The following RNF151 variants were observed in gnomAD, a reference collection of about 807,000 sequenced individuals.
The protein encoded by RNF151 is ring finger protein 151.
RNF151 carries 9 observed loss-of-function variants against 11.1 expected under a neutral mutation model. That is an observed-to-expected ratio of 0.81 (90% CI 0.49 to 1.42). The LOEUF (loss-of-function observed/expected upper bound fraction) is 1.42, where lower values mean the gene tolerates loss of function less well. Among genes scored for constraint, RNF151 ranks in the 40% most tolerant of loss-of-function variants. The probability of loss-of-function intolerance (pLI) is 0.00; values close to 1 mark genes in which losing one functional copy is unlikely to be tolerated. For synonymous variants in RNF151, 172 were observed against 140.7 expected, an observed-to-expected ratio of 1.22 and a Z score of -1.58; for missense variants, 372 against 342.9, an observed-to-expected ratio of 1.08 and a Z score of -0.67.
chr16:1,968,778 T>A lies in RNF151; in HGVS notation c.591T>A (p.Arg197=), dbSNP rs1464234747. 1 of 1,589,786 alleles carries A rather than the reference T, an allele frequency of 6.3e-7. No individual in the cohort carries two copies. The highest frequency in any genetic ancestry group is 8.6e-7 in the Non-Finnish European group (1 of 1,169,014). Reference sequence around the variant, plus strand: ...TGGACCAAGCCACCAGTGTCGTTCGTAGAGAGCTGGCGGAGCTCAGCAACT... The same window carrying A: ...TGGACCAAGCCACCAGTGTCGTTCGAAGAGAGCTGGCGGAGCTCAGCAACT... ...RWLDQATSVV[R]RELAELSNFL... The change falls in exon 4 of 4, where the codon CGT becomes CGA. Residue 197 remains arginine, a synonymous_variant. Transcript: ENST00000569714.
chr16:1,968,370 C>T, intron 3 of RNF151, 64 bp from the exon 4 acceptor site: 5 of 1,450,364 alleles, frequency 3.4e-6, no homozygotes, highest in Non-Finnish European at 4.5e-6. Flanking sequence ...GAATGGAAAG[C>T]CAGGGGTGGG....
In RNF151 at chr16:1,968,428, C is replaced by A; in HGVS notation, c.247-6C>A. ...GGTTTCTTCACACGTTCTCCTTCAC[C>A]CTCAGTGCAAGAACGCCGACGCTGG... On this transcript the variant is annotated splice_polypyrimidine_tract_variant and splice_region_variant and intron_variant, in intron 3 of 3. Coordinates refer to ENST00000569714, the MANE Select transcript of RNF151 (RefSeq NM_174903.6). 6.5e-7 allele frequency: 1 copy of A among 1,539,920 alleles called. No individual in the cohort carries two copies. The highest frequency in any genetic ancestry group is 8.8e-7 in the Non-Finnish European group (1 of 1,139,290).
chr16:1,967,230 C>G, intron 1 of RNF151, 44 bp from the exon 2 acceptor site: 1 of 1,592,098 alleles, frequency 6.3e-7, no homozygotes, highest in Non-Finnish European at 8.6e-7. Context: ...GGACCAGGGA[C>G]TGGATCACTG....
rs1597042972 is a variant in RNF151, at chr16:1,967,436, A to C, written c.149+17A>C. 6.2e-7 allele frequency: 1 copy of C among 1,610,154 alleles called. No individual in the cohort carries two copies. Among genetic ancestry groups the C allele is most frequent in the Non-Finnish European group, 8.5e-7 (1 of 1,177,808 alleles). On this transcript the variant is annotated intron_variant, in intron 2 of 3. Transcript: ENST00000569714. ...GCTAGCCAGGTGCCAGCGGGTACCC[A>C]AGGGGCTGGGAGGGCAGGAGTGAGA...
In RNF151 at chr16:1,967,338, G is replaced by C; in HGVS notation, c.68G>C (p.Cys23Ser). Residue 23 changes from cysteine (C) to serine (S), a missense_variant, in exon 2 of 4, where the codon TGC (cysteine) becomes TCC (serine). Cys to Ser is a moderately radical substitution (Grantham distance 112). Transcript: ENST00000569714. The part of the protein sequence containing the change: ...PPDSNFVCSV[C>S]HGVLKRPARL... ...GACAGCAACTTCGTGTGCTCCGTCT[G>C]CCATGGGGTTCTCAAGAGGCCAGCA... The C allele has an allele frequency of 6.2e-7, 1 of 1,613,702 alleles. No homozygotes were observed. Among genetic ancestry groups the C allele is most frequent in the Non-Finnish European group, 8.5e-7 (1 of 1,179,878 alleles).
intron 3 of RNF151, chr16:1,968,091 G>A (rs1252186675): frequency 7.3e-6 from 5 of 681,970 alleles, no homozygotes; most frequent in Admixed American, 4.1e-5. Context: ...GATTTTTAGA[G>A]GATCAAGTGC....
chr16:1,968,585 A>C lies in RNF151; in HGVS notation c.398A>C (p.His133Pro), dbSNP rs756193192. The C allele has an allele frequency of 6.3e-7, 1 of 1,596,430 alleles. No individual in the cohort carries two copies. ...GGGACCCTGGCAGAGCACCGGCAGC[A>C]TTGCCAGCAAGGGTCCCAGCAGCGC... is the stretch of plus-strand genomic sequence containing the variant. ...PRGTLAEHRQHCQQGSQQRCP... is the reference protein window; with the variant it reads ...PRGTLAEHRQPCQQGSQQRCP... The change falls in exon 4 of 4, where the codon CAT (histidine) becomes CCT (proline). Residue 133 changes from histidine to proline, a missense_variant. His to Pro is a moderately conservative substitution (Grantham distance 77). Transcript: ENST00000569714.
At chr16:1,968,202 C>G (rs1017769550) in intron 3 of RNF151, among the ~76,000 whole-genome samples, 2 of 152,178 alleles carry the variant, frequency 1.3e-5, no homozygotes, top group Non-Finnish European at 2.9e-5. Context: ...CCAGACCAAC[C>G]CAACTGTGTA....
Position 1,967,385 on chromosome 16 carries a change from T to A in RNF151, c.115T>A (p.Phe39Ile). The A allele has an allele frequency of 6.2e-7, 1 of 1,613,656 alleles. No homozygotes were observed. Among genetic ancestry groups the A allele is most frequent in the Non-Finnish European group, 8.5e-7 (1 of 1,179,824 alleles). The change falls in exon 2 of 4, where the codon TTC (phenylalanine) becomes ATC (isoleucine). Residue 39 changes from phenylalanine (F) to isoleucine (I), a missense_variant. Coordinates refer to ENST00000569714, the MANE Select transcript of RNF151 (RefSeq NM_174903.6). ...RPARLPCSHI[F>I]CKKCILRWLA... ...AGCAAGGTTGCCATGCAGCCACATC[T>A]TCTGCAAAAAGTGCATCCTCCGGTG...
Position 1,968,520 on chromosome 16 carries a change from G to C in RNF151, c.333G>C (p.Thr111=). Residue 111 remains threonine (T), a synonymous_variant, in exon 4 of 4, where the codon ACG becomes ACC. Coordinates refer to ENST00000569714, the MANE Select transcript of RNF151 (RefSeq NM_174903.6). ...GHQDSCPFEL[T]ACPNEGCTSQ... ...AGGACTCATGCCCCTTTGAGCTAAC[G>C]GCCTGCCCCAACGAGGGCTGCACCT... 6.2e-7 allele frequency: 1 copy of C among 1,609,042 alleles called. No individual in the cohort carries two copies. Among genetic ancestry groups the C allele is most frequent in the South Asian group, 1.1e-5 (1 of 90,318 alleles).
In RNF151 at chr16:1,968,938, A is replaced by C. The variant is rs756524978; in HGVS notation, c.*13A>C. The C allele has an allele frequency of 2.6e-6, 4 of 1,568,506 alleles. No homozygotes were observed. In the African/African-American group the frequency reaches 5.4e-5, roughly 21 times the overall value. Reference sequence around the variant, plus strand: ...ACCTTGTAAATAGGTAAATAAAAGCAGACCCCCGGCCTGCCTGCCTCTGTG... The same window carrying C: ...ACCTTGTAAATAGGTAAATAAAAGCCGACCCCCGGCCTGCCTGCCTCTGTG... On this transcript the variant is annotated 3_prime_UTR_variant, in exon 4 of 4. Transcript: ENST00000569714.
rs746394679 is a variant in RNF151, at chr16:1,967,709, T to G, written c.150-16T>G. On this transcript the variant is annotated splice_polypyrimidine_tract_variant and intron_variant, in intron 2 of 3. Coordinates refer to ENST00000569714, the MANE Select transcript of RNF151 (RefSeq NM_174903.6). ...TCCCACTCCCAACACTCACCCCTAC[T>G]CATGCCTCCTTCCAGACAAAAGACC... 1 of 1,596,276 alleles carries G rather than the reference T, an allele frequency of 6.3e-7. No homozygotes were observed. Among genetic ancestry groups the G allele is most frequent in the Admixed American group, 1.7e-5 (1 of 58,110 alleles).
Position 1,967,771 on chromosome 16 carries a change from G to A in RNF151, c.196G>A (p.Val66Ile), listed in dbSNP as rs62617081. The A allele has an allele frequency of 0.029, 46,608 of 1,612,144 alleles. 885 individuals are homozygous for A. Among genetic ancestry groups the A allele is most frequent in the African/African-American group, 0.085 (6,401 of 74,978 alleles). Residue 66 changes from valine (V) to isoleucine (I), a missense_variant, in exon 3 of 4, where the codon GTT becomes ATT. By Grantham distance (29) the Val-to-Ile change is conservative. Transcript: ENST00000569714. The part of the protein sequence containing the change: ...CCRKEVKRKK[V>I]VHMNKLRKTI... ...TAGGAAAGAGGTGAAAAGGAAAAAG[G>A]TTGTCCACATGAATAAACTCCGGAA...
intron 3 of RNF151, chr16:1,968,098 G>T: frequency 1.5e-6 from 1 of 672,382 alleles, no homozygotes; most frequent in Non-Finnish European, 2.7e-6. Context: ...AGAGGATCAA[G>T]TGCCCAGTGT....
rs373736142 is a variant in RNF151 at position 1,968,439 on chromosome 16, G to A, written c.252G>A (p.Lys84=). The change falls in exon 4 of 4, where the codon AAG becomes AAA. Residue 84 remains lysine (K), a synonymous_variant. Transcript: ENST00000569714. ...ACGTTCTCCTTCACCCTCAGTGCAA[G>A]AACGCCGACGCTGGCTGCATAGTGA... is the stretch of plus-strand genomic sequence containing the variant. The part of the protein sequence containing the change: ...KTIGRLEVKC[K]NADAGCIVTC... 6.4e-7 allele frequency: 1 copy of A among 1,553,280 alleles called. No homozygotes were observed. The highest frequency in any genetic ancestry group is 8.7e-7 in the Non-Finnish European group (1 of 1,144,816).
Position 1,967,749 on chromosome 16 carries a change from G to A in RNF151, c.174G>A (p.Arg58=). The change falls in exon 3 of 4, where the codon AGG becomes AGA. Residue 58 remains arginine (R), a synonymous_variant. Coordinates refer to ENST00000569714, the MANE Select transcript of RNF151 (RefSeq NM_174903.6). ...LARQKTCPCC[R]KEVKRKKVVH... Reference sequence around the variant, plus strand: ...GACAAAAGACCTGTCCGTGCTGTAGGAAAGAGGTGAAAAGGAAAAAGGTTG... The same window carrying A: ...GACAAAAGACCTGTCCGTGCTGTAGAAAAGAGGTGAAAAGGAAAAAGGTTG... 6.2e-7 allele frequency: 1 copy of A among 1,611,878 alleles called. No homozygotes were observed.
At chr16:1,968,342 G>C (rs115468435) in intron 3 of RNF151, 92 bp from the exon 4 acceptor site, 1 of 1,419,646 alleles carries the variant, frequency 7.0e-7, no homozygotes, top group African/African-American at 1.4e-5. Context: ...GGAGGCTCCC[G>C]GTTCCCTGGT....
intron 2 of RNF151, 54 bp from the exon 3 acceptor site, chr16:1,967,671 A>G: frequency 7.0e-7 from 1 of 1,428,728 alleles, no homozygotes; most frequent in Non-Finnish European, 9.7e-7. Flanking sequence ...TGAGGGCTTG[A>G]CCAGGGCTCC....
In RNF151 at chr16:1,967,208, T is replaced by G. The variant is rs1050420368; in HGVS notation, c.4-66T>G. 3 of 1,553,694 alleles carry G rather than the reference T, an allele frequency of 1.9e-6. No individual in the cohort carries two copies. In the African/African-American group the frequency reaches 4.1e-5, roughly 21 times the overall value. On this transcript the variant is annotated intron_variant, in intron 1 of 3. Coordinates refer to ENST00000569714, the MANE Select transcript of RNF151 (RefSeq NM_174903.6). ...CTGCCAAAAGCTTGCTGGGCTCTCT[T>G]GCTCGGTATGTGGACCAGGGACTGG... is the stretch of plus-strand genomic sequence containing the variant.
Sources: allele counts gnomAD v4.1 joint callset (sites outside exome capture counted in the v4.1 genomes callset), GRCh38; gene constraint gnomAD v4.1.1; transcripts MANE v1.5; gene names NCBI Gene and HGNC (gene_info 2026-07-23, HGNC 2026-07-21).